VAV1: variants seen among roughly 807,000 people sequenced by gnomAD.
The protein encoded by VAV1 is proto-oncogene vav.
Under a neutral mutation model 128.1 loss-of-function variants are expected in VAV1, and 33 were observed. That is an observed-to-expected ratio of 0.26 (90% CI 0.20 to 0.34). VAV1 has a LOEUF of 0.34. Among genes scored for constraint, VAV1 ranks in the 10% least tolerant of loss-of-function variants. The pLI, the probability that VAV1 is intolerant of heterozygous loss-of-function variation, is 1.00. For synonymous variants in VAV1, 394 were observed against 409.8 expected (o/e 0.96, Z 0.47); for missense variants, 715 against 1,093.7 (o/e 0.65, Z 4.88).
At chr19:6,819,816 G>T (rs1971744224) in intron 1 of VAV1, among the ~76,000 whole-genome samples, 1 of 152,220 alleles carries the variant, frequency 6.6e-6, no homozygotes, top group African/African-American at 2.4e-5. Context: ...TGCTGAACCT[G>T]TTGGGACGTT....
chr19:6,856,592 C>T (rs1972808703), intron 26 of VAV1, among the ~76,000 whole-genome samples: 1 of 151,608 alleles, frequency 6.6e-6, no homozygotes, highest in East Asian at 1.9e-4. Context: ...GGTGTGGTGG[C>T]AGGCGCCTGT....
At chr19:6,790,746 G>A (rs937666472) in intron 1 of VAV1, among the ~76,000 whole-genome samples, 4 of 152,230 alleles carry the variant, frequency 2.6e-5, no homozygotes, top group Non-Finnish European at 5.9e-5. Context: ...AGGCAGTGCT[G>A]CAGGCATATT....
Position 6,833,550 on chromosome 19 carries a change from C to T in VAV1, c.1633C>T (p.Arg545Cys), listed in dbSNP as rs776710563. ...LLRGTFYQGY[R>C]CHRCRASAHK... ...CAGAGGTACCTTCTATCAGGGCTAC[C>T]GCTGCCATCGGTGCCGGGCATCTGC... The change falls in exon 17 of 27, where the codon CGC becomes TGC. Residue 545 changes from arginine (R) to cysteine (C), a missense_variant. Physicochemically the swap from Arg to Cys is radical, Grantham distance 180. Transcript: ENST00000602142. The T allele has an allele frequency of 3.7e-6, 6 of 1,610,300 alleles. No individual in the cohort carries two copies. Among genetic ancestry groups the T allele is most frequent in the Non-Finnish European group, 3.4e-6 (4 of 1,177,606 alleles).
intron 14 of VAV1, among the ~76,000 whole-genome samples, chr19:6,831,503 G>A (rs991645845): frequency 2.0e-5 from 3 of 152,096 alleles, no homozygotes; most frequent in African/African-American, 7.2e-5. Context: ...TAGTAGAGAC[G>A]GAGTTTCACC....
intron 23 of VAV1, among the ~76,000 whole-genome samples, chr19:6,849,842 G>A (rs1351722827): frequency 5.3e-5 from 8 of 152,052 alleles, no homozygotes; most frequent in Admixed American, 3.9e-4. Flanking sequence ...ACTGTTGATG[G>A]GCACCTGGGT....
At chr19:6,848,860 C>A (rs574456151) in intron 23 of VAV1, among the ~76,000 whole-genome samples, 1 of 151,382 alleles carries the variant, frequency 6.6e-6, no homozygotes, top group Non-Finnish European at 1.5e-5. Context: ...GTGGTGAGAT[C>A]TTAGCTCACT....
At chr19:6,805,025 C>T (rs1411767767) in intron 1 of VAV1, among the ~76,000 whole-genome samples, 3 of 151,942 alleles carry the variant, frequency 2.0e-5, no homozygotes, top group Non-Finnish European at 4.4e-5. Flanking sequence ...GCCACCGCCC[C>T]CCGGCCCATA....
At chr19:6,833,143 CT>C in intron 15 of VAV1, 40 bp from the exon 16 acceptor site, 1 of 1,500,800 alleles carries the variant, frequency 6.7e-7, no homozygotes, top group Non-Finnish European at 9.1e-7. Flanking sequence ...GAATAAAATA[CT>C]GACCTTCTTT....
At position 6,850,681 on chromosome 19, in the gene VAV1, A is replaced by G; in HGVS notation, c.2141A>G (p.Glu714Gly). 1 of 1,614,110 alleles carries G rather than the reference A, an allele frequency of 6.2e-7. No individual in the cohort carries two copies. The highest frequency in any genetic ancestry group is 8.5e-7 in the Non-Finnish European group (1 of 1,180,020). Residue 714 changes from glutamate (E) to glycine (G), a missense_variant, in exon 24 of 27, where the codon GAG becomes GGG. Transcript: ENST00000602142. ...EFAISIKYNV[E>G]VKHIKIMTAE... is the part of the protein sequence containing the mutation. ...CCATCTGGTTCCAGATATAACGTCG[A>G]GGTCAAGCACATTAAAATCATGACA... is the stretch of plus-strand genomic sequence containing the variant.
chr19:6,819,294 C>A (rs1971731320), intron 1 of VAV1, among the ~76,000 whole-genome samples: 2 of 151,936 alleles, frequency 1.3e-5, no homozygotes, highest in Admixed American at 6.6e-5. Flanking sequence ...TATGAATATC[C>A]AGTCCTAAAA....
Position 6,828,288 on chromosome 19 carries a change from T to C in VAV1, c.1023+117T>C. The C allele has an allele frequency of 6.6e-7, 1 of 1,507,466 alleles. No homozygotes were observed. Among genetic ancestry groups the C allele is most frequent in the Non-Finnish European group, 9.1e-7 (1 of 1,097,128 alleles). The allele number at this position is 1,507,466 out of a possible 1,614,324, so 93.4% of individuals were successfully genotyped here. A position where few individuals can be genotyped will look rare whatever the true frequency, so the allele number is the denominator to read the frequency against. ...TCTAGGACGCTCGGGGATGGGTCAC[T>C]GGGGTCATGTCTCAGCCTCCAGGGT... is the stretch of plus-strand genomic sequence containing the variant. On this transcript the variant is annotated intron_variant, in intron 10 of 26. Transcript: ENST00000602142. The surrounding 1 kb of genome is among the most constrained non-coding windows in gnomAD (Gnocchi z 4.5).
chr19:6,845,031 T>TA (rs1972483826), intron 22 of VAV1, among the ~76,000 whole-genome samples: 1 of 152,028 alleles, frequency 6.6e-6, no homozygotes, highest in African/African-American at 2.4e-5. Context: ...TTGCATTCAT[T>TA]AAAAAAAGAT....
At position 6,828,764 on chromosome 19, in the gene VAV1, T is replaced by A; in HGVS notation, c.1180-51T>A. The A allele has an allele frequency of 6.2e-7, 1 of 1,613,912 alleles. No individual in the cohort carries two copies. On this transcript the variant is annotated intron_variant, in intron 12 of 26. Transcript: ENST00000602142. The surrounding 1 kb of genome is among the most constrained non-coding windows in gnomAD (Gnocchi z 4.5). ...TGTGGCCACGTGGGGAGAGTGTGTGTCTGGCTCCTTTCTTGGGAGACCCTT... is the reference window on the plus strand; with the variant it reads ...TGTGGCCACGTGGGGAGAGTGTGTGACTGGCTCCTTTCTTGGGAGACCCTT...
At chr19:6,805,581 G>GAA (rs1320517035) in intron 1 of VAV1, among the ~76,000 whole-genome samples, 401 of 22,660 alleles carry the variant, frequency 0.018, 3 homozygotes, top group African/African-American at 0.039. Context: ...CATTTCTACA[G>GAA]ATACACACAC....
chr19:6,830,620 A>G (rs772698955), intron 14 of VAV1, among the ~76,000 whole-genome samples: 3 of 150,900 alleles, frequency 2.0e-5, no homozygotes, highest in Admixed American at 1.3e-4. Flanking sequence ...TTGTATTTTT[A>G]GTAGAGACGA....
At chr19:6,793,922 C>A (rs529239124) in intron 1 of VAV1, among the ~76,000 whole-genome samples, 34 of 152,184 alleles carry the variant, frequency 2.2e-4, no homozygotes, top group Admixed American at 7.9e-4. Context: ...AAGCAGTATC[C>A]ATTAAATGAT....
chr19:6,826,604 C>T lies in VAV1; in HGVS notation c.828-8C>T, dbSNP rs1368302728. 6.4e-7 allele frequency: 1 copy of T among 1,551,068 alleles called. No individual in the cohort carries two copies. The highest frequency in any genetic ancestry group is 2.0e-5 in the Admixed American group (1 of 51,158). On this transcript the variant is annotated splice_polypyrimidine_tract_variant and splice_region_variant and intron_variant, in intron 8 of 26. Coordinates refer to ENST00000602142, the MANE Select transcript of VAV1 (RefSeq NM_005428.4). The surrounding 1 kb of genome is among the most constrained non-coding windows in gnomAD (Gnocchi z 4.1). The stretch of plus-strand genomic sequence containing the variant: ...ACCTTTACCTGGTGGCCTGTCTTCT[C>T]CCTGTAGGTTCCTCGTCTATGGCCG...
At position 6,778,936 on chromosome 19, in the gene VAV1, GTATGATCACAGCTCACTGCAGCCT is replaced by G. The variant is rs1568280369; in HGVS notation, c.204+5926_204+5949del. Among the ~76,000 whole-genome samples the G allele has an allele frequency of 2.0e-3, 295 of 148,806 alleles. 5 individuals are homozygous for G. The highest frequency in any genetic ancestry group is 7.2e-3 in the African/African-American group (282 of 39,000). ...CTGTCAGCCAGGCTGGAGTGCAGTG[GTATGATCACAGCTCACTGCAGCCT>G]CGAACTCCTGTACTCAAGCAGTCCT... On this transcript the variant is annotated intron_variant, in intron 1 of 26. Transcript: ENST00000602142.
At chr19:6,855,547 C>T (rs1972772698) in intron 26 of VAV1, among the ~76,000 whole-genome samples, 1 of 152,136 alleles carries the variant, frequency 6.6e-6, no homozygotes, top group Admixed American at 6.6e-5. Context: ...ATCTATCTAA[C>T]CATCTATCCA....
Sources: gnomAD v4.1 joint callset for allele counts (sites outside exome capture counted in the v4.1 genomes callset) on GRCh38, gnomAD v4.1.1 for gene constraint, Gnocchi (gnomAD v3.1) non-coding constraint, MANE v1.5 for transcripts, NCBI Gene and HGNC (gene_info 2026-07-23, HGNC 2026-07-21) for gene names.